DISC1: variants seen among roughly 807,000 people sequenced by gnomAD.
DISC1 encodes DISC1 scaffold protein.
DISC1 carries 57 observed loss-of-function variants against 84.5 expected under a neutral mutation model. That is an observed-to-expected ratio of 0.67 (90% CI 0.55 to 0.84). DISC1 has a LOEUF of 0.84. DISC1 is among the 40% of genes least tolerant of loss of function. DISC1 has a pLI of 0.00. For missense variants in DISC1, 1,000 were observed against 1,057.8 expected, an observed-to-expected ratio of 0.95 and a Z score of 0.76; for synonymous variants, 411 against 415.2, an observed-to-expected ratio of 0.99 and a Z score of 0.12.
At chr1:231,631,582 G>A (rs2058713631) in intron 1 of DISC1, among the ~76,000 whole-genome samples, 1 of 151,980 alleles carries the variant, frequency 6.6e-6, no homozygotes, top group Non-Finnish European at 1.5e-5. Flanking sequence ...TAGTGTGTGT[G>A]TTTGTGTCTT....
intron 12 of DISC1, among the ~76,000 whole-genome samples, chr1:232,026,766 T>TC (rs1553424856): frequency 2.4e-5 from 1 of 42,314 alleles, no homozygotes; most frequent in Non-Finnish European, 4.1e-5. Context: ...TTTTTTCTTT[T>TC]TTTTTTTTTT....
chr1:231,746,780 T>C (rs1398710295), intron 3 of DISC1, among the ~76,000 whole-genome samples: 1 of 152,194 alleles, frequency 6.6e-6, no homozygotes, highest in Admixed American at 6.5e-5. Context: ...TCTGTTCGGA[T>C]TATTTGCCCA....
At chr1:231,701,351 A>G (rs1482229819) in intron 2 of DISC1, among the ~76,000 whole-genome samples, 1 of 152,242 alleles carries the variant, frequency 6.6e-6, no homozygotes, top group Admixed American at 6.5e-5. Context: ...CAGCCAAACC[A>G]TATCAATGAT....
At chr1:231,955,677 A>G (rs1659368568) in intron 9 of DISC1, among the ~76,000 whole-genome samples, 1 of 151,834 alleles carries the variant, frequency 6.6e-6, no homozygotes, top group Non-Finnish European at 1.5e-5. Context: ...TTTAGTAGAG[A>G]CGGGGTTTCA....
rs192668869 is a variant in DISC1 at position 231,933,468 on chromosome 1, C to T, written c.1982-25360C>T. 5.3e-5 allele frequency among the ~76,000 whole-genome samples: 8 copies of T among 152,268 alleles called. No individual in the cohort carries two copies. In the East Asian group the frequency reaches 5.8e-4, roughly 11 times the overall value. On this transcript the variant is annotated intron_variant, in intron 9 of 12. Transcript: ENST00000439617. ...CCTCTAAGGCACCTTCTCATCCTGT[C>T]GTTTTAAGGTTTTGTTCTTTTGGTT...
intron 1 of DISC1, among the ~76,000 whole-genome samples, chr1:231,687,040 G>T (rs950773804): frequency 3.3e-5 from 5 of 152,102 alleles, no homozygotes; most frequent in Non-Finnish European, 5.9e-5. Flanking sequence ...GGACCTTATT[G>T]TTCCTATCAC....
At position 231,996,587 on chromosome 1, in the gene DISC1, G is replaced by A. The variant is rs530654894; in HGVS notation, c.2043-12198G>A. On this transcript the variant is annotated intron_variant, in intron 10 of 12. Coordinates refer to ENST00000439617, the MANE Select transcript of DISC1 (RefSeq NM_018662.3). Reference sequence around the variant, plus strand: ...TTTGGTTATAAGAGCTGAAACTCTAGGCATCTGTGTCAGAACTCAGTATTT... The same window carrying A: ...TTTGGTTATAAGAGCTGAAACTCTAAGCATCTGTGTCAGAACTCAGTATTT... Among the ~76,000 whole-genome samples the A allele has an allele frequency of 3.3e-5, 5 of 152,202 alleles. No individual in the cohort carries two copies. The East Asian group carries it at 7.7e-4, about 24-fold the overall frequency.
At chr1:231,793,984 A>G (rs2078548611) in intron 6 of DISC1, among the ~76,000 whole-genome samples, 1 of 152,102 alleles carries the variant, frequency 6.6e-6, no homozygotes, top group Non-Finnish European at 1.5e-5. Context: ...GGGTTTCACC[A>G]TGTTGGCCAC....
chr1:231,871,915 G>T (rs2085492497), intron 9 of DISC1, among the ~76,000 whole-genome samples: 2 of 152,166 alleles, frequency 1.3e-5, no homozygotes, highest in Admixed American at 1.3e-4. Context: ...ATTCAAAGGA[G>T]AGCCATGGAC....
intron 9 of DISC1, among the ~76,000 whole-genome samples, chr1:231,901,878 C>A (rs185019519): frequency 1.3e-5 from 2 of 152,172 alleles, no homozygotes; most frequent in Admixed American, 1.3e-4. Context: ...TGTATCTTAT[C>A]CTGAATTCTG....
intron 8 of DISC1, among the ~76,000 whole-genome samples, chr1:231,812,182 A>G (rs2080372201): frequency 6.6e-6 from 1 of 152,124 alleles, no homozygotes; most frequent in Non-Finnish European, 1.5e-5. Context: ...CAGCCTCCCA[A>G]GTAGCTAGGA....
chr1:231,930,895 G>T lies in DISC1; in HGVS notation c.1982-27933G>T, dbSNP rs1217976449. Among the ~76,000 whole-genome samples the T allele has an allele frequency of 4.6e-5, 7 of 152,294 alleles. No individual in the cohort carries two copies. The East Asian group carries it at 5.8e-4, about 13-fold the overall frequency. Reference sequence around the variant, plus strand: ...GGGTCCATCTGTGAGCAGAGGTGTGGGTGGAGGCCCAGAAGCCAGGCTACC... The same window carrying T: ...GGGTCCATCTGTGAGCAGAGGTGTGTGTGGAGGCCCAGAAGCCAGGCTACC... On this transcript the variant is annotated intron_variant, in intron 9 of 12. Transcript: ENST00000439617.
At chr1:231,961,170 C>A (rs1377258719) in intron 10 of DISC1, among the ~76,000 whole-genome samples, 1 of 152,146 alleles carries the variant, frequency 6.6e-6, no homozygotes, top group African/African-American at 2.4e-5. Flanking sequence ...GAAGTATGGA[C>A]AACCATGTAG....
intron 2 of DISC1, 141 bp from the exon 3 acceptor site, chr1:231,701,814 A>G: frequency 1.4e-6 from 1 of 739,786 alleles, no homozygotes. Flanking sequence ...CATTGAAAAA[A>G]TGTGCATTTT....
intron 1 of DISC1, among the ~76,000 whole-genome samples, chr1:231,669,944 C>T (rs2062428804): frequency 6.6e-6 from 1 of 151,930 alleles, no homozygotes; most frequent in Non-Finnish European, 1.5e-5. Context: ...CAGCACTAGT[C>T]ACAACAGCAA....
At chr1:231,844,080 A>G (rs983398965) in intron 9 of DISC1, among the ~76,000 whole-genome samples, 1 of 152,180 alleles carries the variant, frequency 6.6e-6, no homozygotes, top group African/African-American at 2.4e-5. Flanking sequence ...GTGGTCAGGG[A>G]TGAGGGAGGA....
At chr1:231,836,638 GC>G (rs1231765731) in intron 9 of DISC1, among the ~76,000 whole-genome samples, 399 of 152,210 alleles carry the variant, frequency 2.6e-3, no homozygotes, top group Non-Finnish European at 4.2e-3. Context: ...TCTTCCCACG[GC>G]TTTTGGCTGC....
Position 231,749,971 on chromosome 1 carries a change from T to A in DISC1, c.1163T>A (p.Ile388Asn). The change falls in exon 4 of 13, where the codon ATC becomes AAC. Residue 388 changes from isoleucine (I) to asparagine (N), a missense_variant. By Grantham distance (149) the Ile-to-Asn change is moderately radical (BLOSUM62 -3). Coordinates refer to ENST00000439617, the MANE Select transcript of DISC1 (RefSeq NM_018662.3). Reference sequence around the variant, plus strand: ...TTAGAAGACCTGGAACAAGAGAAAATCAGCCTGCACTTTCAACTTCCTTCA... The same window carrying A: ...TTAGAAGACCTGGAACAAGAGAAAAACAGCCTGCACTTTCAACTTCCTTCA... ...QRLEDLEQEK[I>N]SLHFQLPSRQ... 1 of 1,614,128 alleles carries A rather than the reference T, an allele frequency of 6.2e-7. No individual in the cohort carries two copies. The highest frequency in any genetic ancestry group is 8.5e-7 in the Non-Finnish European group (1 of 1,180,026).
rs2073377787 is a variant in DISC1 at position 231,742,241 on chromosome 1, T to C, written c.1118-7685T>C. On this transcript the variant is annotated intron_variant, in intron 3 of 12. Coordinates refer to ENST00000439617, the MANE Select transcript of DISC1 (RefSeq NM_018662.3). ...CTGGGAGCTCCCTCTGCCTGGAATA[T>C]CCAATTAGTGAATAGGGGTGTCATT... Among the ~76,000 whole-genome samples the C allele has an allele frequency of 2.0e-5, 3 of 152,166 alleles. No homozygotes were observed. In the South Asian group the frequency reaches 6.2e-4, roughly 32 times the overall value.
Sources: gnomAD v4.1 joint callset for allele counts (sites outside exome capture counted in the v4.1 genomes callset) on GRCh38, gnomAD v4.1.1 for gene constraint, MANE v1.5 for transcripts, NCBI Gene and HGNC (gene_info 2026-07-23, HGNC 2026-07-21) for gene names.